Variants in VIL1 observed in about 807,000 individuals in gnomAD.
The protein encoded by VIL1 is villin-1.
In VIL1, 86 loss-of-function variants were observed where a neutral mutation model predicts 104.0. The ratio of observed to expected loss-of-function variants is 0.83; its 90% CI spans 0.69 to 0.99. The LOEUF (loss-of-function observed/expected upper bound fraction) is 0.99. Ranked by LOEUF, VIL1 falls within the 50% of genes least tolerant of loss-of-function variation. VIL1 has a pLI of 0.00. For synonymous variants in VIL1, 394 were observed against 412.6 expected (o/e 0.95, Z 0.55); for missense variants, 944 against 1,054.1 (o/e 0.90, Z 1.45).
At chr2:218,426,341 G>T (rs1046949756) in intron 4 of VIL1, among the ~76,000 whole-genome samples, 1 of 151,692 alleles carries the variant, frequency 6.6e-6, no homozygotes, top group Admixed American at 6.6e-5. Context: ...TGCAAACTCC[G>T]CCTCCTGGGC....
chr2:218,444,724 G>T (rs1425423996), intron 19 of VIL1, among the ~76,000 whole-genome samples: 2 of 152,232 alleles, frequency 1.3e-5, no homozygotes, highest in African/African-American at 2.4e-5. Context: ...ACAGTGGGGT[G>T]GTGGGTCTGG....
rs1300887630 is a variant in VIL1 at position 218,432,141 on chromosome 2, C to T, written c.1299C>T (p.Tyr433=). The T allele has an allele frequency of 6.2e-7, 1 of 1,614,086 alleles. No homozygotes were observed. Among genetic ancestry groups the T allele is most frequent in the Admixed American group, 1.7e-5 (1 of 60,018 alleles). ...GGDCYLLLYT[Y]LIGEKQHYLL... Reference sequence around the variant, plus strand: ...ACTGCTACCTGCTGCTCTACACCTACCTCATCGGCGAGAAGCAGCATTACC... The same window carrying T: ...ACTGCTACCTGCTGCTCTACACCTATCTCATCGGCGAGAAGCAGCATTACC... Residue 433 remains tyrosine, a synonymous_variant, in exon 12 of 20, where the codon TAC becomes TAT. Coordinates refer to ENST00000248444, the MANE Select transcript of VIL1 (RefSeq NM_007127.3).
At position 218,424,272 on chromosome 2, in the gene VIL1, C is replaced by A. The variant is rs1688941081; in HGVS notation, c.76-5C>A. ...CAGCCCCTCTGACCCTCTTTCTCTC[C>A]TTAGGCCATGCAGATGGTGCCTGTT... On this transcript the variant is annotated splice_region_variant and splice_polypyrimidine_tract_variant and intron_variant, in intron 2 of 19. Transcript: ENST00000248444. The A allele has an allele frequency of 3.1e-6, 5 of 1,613,986 alleles. No homozygotes were observed. The highest frequency in any genetic ancestry group is 3.4e-6 in the Non-Finnish European group (4 of 1,179,960).
chr2:218,429,218 T>C, intron 6 of VIL1, 67 bp from the exon 7 acceptor site: 1 of 1,538,306 alleles, frequency 6.5e-7, no homozygotes, highest in Non-Finnish European at 8.8e-7. Context: ...CCTGGCAGGG[T>C]GTAGGGTGGC....
At chr2:218,423,693 G>C in intron 1 of VIL1, 75 bp from the exon 2 acceptor site, 1 of 1,475,244 alleles carries the variant, frequency 6.8e-7, no homozygotes. Flanking sequence ...GCACTGTTGG[G>C]AGTTCTCTAG....
intron 19 of VIL1, among the ~76,000 whole-genome samples, chr2:218,446,913 GC>G (rs1263247938): frequency 6.6e-6 from 1 of 151,802 alleles, no homozygotes; most frequent in Non-Finnish European, 1.5e-5. Flanking sequence ...ACAGGCGCCT[GC>G]CACCACACCA....
At chr2:218,435,991 A>G (rs1689183084) in intron 15 of VIL1, among the ~76,000 whole-genome samples, 1 of 151,882 alleles carries the variant, frequency 6.6e-6, no homozygotes, top group Non-Finnish European at 1.5e-5. Context: ...GGCGCCCACC[A>G]CCGTGCCCGG....
intron 13 of VIL1, 80 bp downstream of exon 13, chr2:218,433,031 G>C: frequency 1.3e-6 from 2 of 1,561,920 alleles, no homozygotes; most frequent in African/African-American, 2.7e-5. Context: ...GGGGATGGGT[G>C]GTGGGAGCAG....
chr2:218,420,425 T>A (rs1574810189), intron 1 of VIL1, among the ~76,000 whole-genome samples: 1 of 36,720 alleles, frequency 2.7e-5, no homozygotes. Flanking sequence ...TGAGACTCTG[T>A]CTCAAAAAAA....
At chr2:218,420,579 TTTTTTTTTTTTTTG>T (rs1688885609) in intron 1 of VIL1, among the ~76,000 whole-genome samples, 1 of 1,606 alleles carries the variant, frequency 6.2e-4, no homozygotes, top group African/African-American at 1.0e-3. Flanking sequence ...TGAGTATTTG[TTTTTTTTTTTTTTG>T]TTTTTTTTTT....
Position 218,449,616 on chromosome 2 carries a change from T to C in VIL1, c.*280T>C. The C allele has an allele frequency of 3.3e-6, 1 of 305,248 alleles. No individual in the cohort carries two copies. The highest frequency in any genetic ancestry group is 6.4e-6 in the Non-Finnish European group (1 of 155,160). The allele number at this position is 305,248 out of a possible 1,614,324, so 18.9% of individuals were successfully genotyped here. On this transcript the variant is annotated 3_prime_UTR_variant, in exon 20 of 20. Coordinates refer to ENST00000248444, the MANE Select transcript of VIL1 (RefSeq NM_007127.3). Reference sequence around the variant, plus strand: ...TTTTAATACTCCTATAGTTTTCTCTTCTTAGAAGAGCACAAACACTCCATG... The same window carrying C: ...TTTTAATACTCCTATAGTTTTCTCTCCTTAGAAGAGCACAAACACTCCATG...
At position 218,438,657 on chromosome 2, in the gene VIL1, G is replaced by A. The variant is rs1416933218; in HGVS notation, c.2161-1G>A. On this transcript the variant is annotated splice_acceptor_variant, in intron 17 of 19. Coordinates refer to ENST00000248444, the MANE Select transcript of VIL1 (RefSeq NM_007127.3). LOFTEE classifies it high-confidence loss of function. ...TAATCTGTTATTTACTTTATGTGCA[G>A]AACACCAAATCCTATGAGGACCTGA... The A allele has an allele frequency of 1.2e-6, 2 of 1,611,366 alleles. No individual in the cohort carries two copies. Among genetic ancestry groups the A allele is most frequent in the Non-Finnish European group, 8.5e-7 (1 of 1,179,220 alleles).
chr2:218,440,806 C>T lies in VIL1; in HGVS notation c.2314C>T (p.Leu772=), dbSNP rs1222694631. 6.2e-7 allele frequency: 1 copy of T among 1,614,006 alleles called. No individual in the cohort carries two copies. The highest frequency in any genetic ancestry group is 8.5e-7 in the Non-Finnish European group (1 of 1,180,014). The change falls in exon 19 of 20, where the codon CTA becomes TTA. Residue 772 remains leucine, a synonymous_variant. Coordinates refer to ENST00000248444, the MANE Select transcript of VIL1 (RefSeq NM_007127.3). ...GPLPIFPLEQ[L]VNKPVEELPE... ...TCTGCCCATCTTCCCCCTGGAGCAG[C>T]TAGTGAACAAGCCTGTAGAGGAGCT...
At chr2:218,422,433 G>A (rs902923928) in intron 1 of VIL1, among the ~76,000 whole-genome samples, 5 of 152,196 alleles carry the variant, frequency 3.3e-5, no homozygotes, top group Admixed American at 1.3e-4. Flanking sequence ...GACCATGGTT[G>A]CCTGATGGAG....
In VIL1 at chr2:218,438,846, C is replaced by G. The variant is rs78683178; in HGVS notation, c.2229+120C>G. 5.2e-3 allele frequency: 4,006 copies of G among 775,804 alleles called. 103 individuals are homozygous for G. In the African/African-American group the frequency reaches 0.062, roughly 12 times the overall value. The allele number at this position is 775,804 out of a possible 1,614,324, so 48.1% of individuals were successfully genotyped here. On this transcript the variant is annotated intron_variant, in intron 18 of 19. Coordinates refer to ENST00000248444, the MANE Select transcript of VIL1 (RefSeq NM_007127.3). The stretch of plus-strand genomic sequence containing the variant: ...TGTGCTTTCCCTCCTATTTCTCCCC[C>G]ACTTCTCATTCTTCTTGCTGTTTTA...
At chr2:218,442,766 G>T (rs138224596) in intron 19 of VIL1, among the ~76,000 whole-genome samples, 5 of 152,138 alleles carry the variant, frequency 3.3e-5, no homozygotes, top group Non-Finnish European at 5.9e-5. Flanking sequence ...TGAATCAAGG[G>T]ATCTACAGAA....
At position 218,424,419 on chromosome 2, in the gene VIL1, G is replaced by A. The variant is rs1688945650; in HGVS notation, c.150+68G>A. On this transcript the variant is annotated intron_variant, in intron 3 of 19. Coordinates refer to ENST00000248444, the MANE Select transcript of VIL1 (RefSeq NM_007127.3). ...CCACTGTGGTGTCAGGGAGGAAACA[G>A]GCTGGGGGCCGTGGGGAGAGTTGGC... The A allele has an allele frequency of 9.8e-6, 15 of 1,538,014 alleles. No homozygotes were observed. In the South Asian group the frequency reaches 1.6e-4, roughly 16 times the overall value.
chr2:218,449,066 C>T (rs1446418642), intron 19 of VIL1, among the ~76,000 whole-genome samples, 157 bp from the exon 20 acceptor site: 1 of 151,974 alleles, frequency 6.6e-6, no homozygotes, highest in African/African-American at 2.4e-5. Flanking sequence ...CTCCTCCTCT[C>T]CATCCCTTTC....
At position 218,429,676 on chromosome 2, in the gene VIL1, G is replaced by T; in HGVS notation, c.849+1G>T. Reference sequence around the variant, plus strand: ...GACACAGGACCTGCTCAGTCACGAGGTAAGAGGGTCTGGAGACCCCTCAGC... The same window carrying T: ...GACACAGGACCTGCTCAGTCACGAGTTAAGAGGGTCTGGAGACCCCTCAGC... On this transcript the variant is annotated splice_donor_variant, in intron 8 of 19. Transcript: ENST00000248444. LOFTEE classifies it high-confidence loss of function. The T allele has an allele frequency of 6.2e-7, 1 of 1,614,058 alleles. No homozygotes were observed. Among genetic ancestry groups the T allele is most frequent in the Non-Finnish European group, 8.5e-7 (1 of 1,180,012 alleles).
Sources: gnomAD v4.1 joint callset for allele counts (sites outside exome capture counted in the v4.1 genomes callset) on GRCh38, gnomAD v4.1.1 for gene constraint, MANE v1.5 for transcripts, NCBI Gene and HGNC (gene_info 2026-07-23, HGNC 2026-07-21) for gene names.